Variants in RBFOX1 observed in about 807,000 individuals in gnomAD.
RBFOX1 encodes RNA binding protein fox-1 homolog 1.
In RBFOX1, 8 loss-of-function variants were observed where a neutral mutation model predicts 57.7. The observed-to-expected ratio is 0.14, with a 90% CI of 0.08 to 0.25. The LOEUF (loss-of-function observed/expected upper bound fraction) is 0.25, where lower values mean the gene tolerates loss of function less well. Ranked by LOEUF, RBFOX1 falls within the 10% of genes least tolerant of loss-of-function variation. RBFOX1 has a pLI of 1.00. For synonymous variants in RBFOX1, 326 were observed against 222.4 expected, an observed-to-expected ratio of 1.47 and a Z score of -4.15; for missense variants, 611 against 548.5, an observed-to-expected ratio of 1.11 and a Z score of -1.14.
intron 3 of RBFOX1, among the ~76,000 whole-genome samples, chr16:5,673,896 T>C (rs7184394): frequency 0.09 from 13,691 of 152,280 alleles, 2,047 homozygotes; most frequent in African/African-American, 0.31. Context: ...CTTCAGCTTT[T>C]CTCTTCTGCA....
chr16:5,552,986 C>G (rs1012100452), intron 2 of RBFOX1, among the ~76,000 whole-genome samples: 6 of 152,064 alleles, frequency 3.9e-5, no homozygotes, highest in South Asian at 2.1e-4. Context: ...TTTACAGGGA[C>G]ATGGATGAAG....
intron 1 of RBFOX1, among the ~76,000 whole-genome samples, chr16:6,087,825 G>A (rs1163920995): frequency 6.6e-6 from 1 of 151,820 alleles, no homozygotes. Context: ...GTTAATTTTT[G>A]TACTTTTAGT....
intron 4 of RBFOX1, among the ~76,000 whole-genome samples, chr16:7,472,354 A>C (rs1047977776): frequency 1.3e-5 from 2 of 151,884 alleles, no homozygotes; most frequent in Non-Finnish European, 2.9e-5. Context: ...CAACAACATA[A>C]ACTTTCCATT....
chr16:7,272,904 C>T (rs1321783505), intron 4 of RBFOX1, among the ~76,000 whole-genome samples: 1 of 136,836 alleles, frequency 7.3e-6, no homozygotes, highest in Non-Finnish European at 1.6e-5. Context: ...TCCCTCCTTT[C>T]TTCCTCCCTC....
At chr16:6,980,780 T>G (rs1424623676) in intron 3 of RBFOX1, among the ~76,000 whole-genome samples, 1 of 152,122 alleles carries the variant, frequency 6.6e-6, no homozygotes, top group Non-Finnish European at 1.5e-5. Flanking sequence ...CAGTAGCTCA[T>G]GCCTGTAATC....
intron 3 of RBFOX1, among the ~76,000 whole-genome samples, chr16:6,769,484 C>T (rs1322645654): frequency 1.3e-5 from 2 of 152,204 alleles, no homozygotes; most frequent in African/African-American, 2.4e-5. Context: ...GTGCAGCATT[C>T]TGTAGTTTGT....
At chr16:6,870,409 T>A (rs1355346188) in intron 3 of RBFOX1, among the ~76,000 whole-genome samples, 5 of 152,208 alleles carry the variant, frequency 3.3e-5, no homozygotes, top group Admixed American at 1.3e-4. Context: ...TTTCAGCAAG[T>A]CTTACCTCAC....
intron 1 of RBFOX1, among the ~76,000 whole-genome samples, chr16:6,158,407 C>G (rs932656707): frequency 1.2e-4 from 19 of 152,166 alleles, no homozygotes; most frequent in Non-Finnish European, 2.1e-4. Flanking sequence ...GCAGCCCGTT[C>G]CAGTCTCGCC....
chr16:7,038,429 C>A (rs1030196307), intron 3 of RBFOX1, among the ~76,000 whole-genome samples: 3 of 152,080 alleles, frequency 2.0e-5, no homozygotes, highest in African/African-American at 7.2e-5. Flanking sequence ...CCTCCTCTGC[C>A]TTGGTTCACA....
intron 2 of RBFOX1, among the ~76,000 whole-genome samples, chr16:5,533,578 A>G (rs1010680285): frequency 2.0e-5 from 3 of 152,160 alleles, no homozygotes; most frequent in Non-Finnish European, 4.4e-5. Flanking sequence ...CTTGGCTGAA[A>G]TCCCTCCTGG....
chr16:7,187,533 C>A (rs897656736), intron 4 of RBFOX1, among the ~76,000 whole-genome samples: 1 of 150,894 alleles, frequency 6.6e-6, no homozygotes. Context: ...ACTAAAAATA[C>A]AAAAAATTAG....
chr16:7,119,431 G>A (rs918306104), intron 4 of RBFOX1, among the ~76,000 whole-genome samples: 8 of 152,020 alleles, frequency 5.3e-5, no homozygotes, highest in African/African-American at 1.7e-4. Context: ...AAATTACTTT[G>A]GCAGACAGAA....
Position 7,157,818 on chromosome 16 carries a change from G to C in RBFOX1, c.27+105720G>C, listed in dbSNP as rs552451500. Among the ~76,000 whole-genome samples, 7 of 152,268 alleles carry C rather than the reference G, an allele frequency of 4.6e-5. No homozygotes were observed. The East Asian group carries it at 1.3e-3, about 29-fold the overall frequency. ...TACATGTTTTCCCTTTGGTTTTAAA[G>C]AAAATGTAGATAAAAATCTGATAGT... On this transcript the variant is annotated intron_variant, in intron 4 of 15. Coordinates refer to ENST00000550418, the MANE Select transcript of RBFOX1 (RefSeq NM_018723.4).
chr16:6,835,408 A>G (rs1250278076), intron 3 of RBFOX1, among the ~76,000 whole-genome samples: 1 of 152,160 alleles, frequency 6.6e-6, no homozygotes, highest in Non-Finnish European at 1.5e-5. Flanking sequence ...GGGACACAAG[A>G]TTCAGAATCA....
At chr16:7,080,053 TACATA>T (rs1567182618) in intron 4 of RBFOX1, among the ~76,000 whole-genome samples, 10 of 141,974 alleles carry the variant, frequency 7.0e-5, no homozygotes, top group African/African-American at 2.6e-4. Context: ...TATATATATA[TACATA>T]TTATATATAT....
At chr16:5,534,696 C>G (rs529858225) in intron 2 of RBFOX1, among the ~76,000 whole-genome samples, 2 of 152,150 alleles carry the variant, frequency 1.3e-5, no homozygotes, top group African/African-American at 4.8e-5. Context: ...CTTTCCCAGT[C>G]CACTGACTCA....
chr16:6,327,540 A>G (rs779637998), intron 2 of RBFOX1, among the ~76,000 whole-genome samples: 4 of 152,004 alleles, frequency 2.6e-5, no homozygotes, highest in Admixed American at 2.0e-4. Flanking sequence ...TTAGCTGCCT[A>G]TTGTTTATTT....
At chr16:7,056,265 G>T (rs964622343) in intron 4 of RBFOX1, among the ~76,000 whole-genome samples, 2 of 152,030 alleles carry the variant, frequency 1.3e-5, no homozygotes, top group South Asian at 2.1e-4. Flanking sequence ...TACATCGCTC[G>T]GTTGTTACGC....
At chr16:5,365,808 G>GTGGACA in intron 1 of RBFOX1, 1 of 516,304 alleles carries the variant, frequency 1.9e-6, no homozygotes, top group South Asian at 1.4e-5. Context: ...GGAAGATTCA[G>GTGGACA]TGGACATGGA....
Sources: gnomAD v4.1 joint callset for allele counts (sites outside exome capture counted in the v4.1 genomes callset) on GRCh38, gnomAD v4.1.1 for gene constraint, MANE v1.5 for transcripts, NCBI Gene and HGNC (gene_info 2026-07-23, HGNC 2026-07-21) for gene names.